The following STAG1 variants were observed in gnomAD, a reference collection of about 807,000 sequenced individuals.
STAG1 encodes cohesin subunit SA-1.
In STAG1, 26 loss-of-function variants were observed where a neutral mutation model predicts 170.9. The observed-to-expected ratio is 0.15, with a 90% CI of 0.11 to 0.21. The LOEUF (loss-of-function observed/expected upper bound fraction) is 0.21, where lower values mean the gene tolerates loss of function less well. Ranked by LOEUF, STAG1 falls within the 10% of genes least tolerant of loss-of-function variation. The pLI is 1.00. For missense variants in STAG1, 964 were observed against 1,509.5 expected (o/e 0.64, Z 5.99); for synonymous variants, 514 against 497.7 (o/e 1.03, Z -0.44).
chr3:136,385,074 T>C (rs2086835332), intron 22 of STAG1, among the ~76,000 whole-genome samples: 1 of 152,216 alleles, frequency 6.6e-6, no homozygotes, highest in Admixed American at 6.5e-5. Flanking sequence ...TGTCCTTATA[T>C]TGATGCTTCC....
intron 29 of STAG1, 57 bp from the exon 30 acceptor site, chr3:136,344,063 A>G: frequency 1.5e-6 from 2 of 1,371,360 alleles, no homozygotes; most frequent in Non-Finnish European, 2.0e-6. Context: ...CTCTGGTAGC[A>G]GTCATAGCAT....
chr3:136,611,140 G>C (rs928918667), intron 3 of STAG1, among the ~76,000 whole-genome samples: 1 of 152,036 alleles, frequency 6.6e-6, no homozygotes, highest in African/African-American at 2.4e-5. Context: ...CAGCCTGAAA[G>C]GAATTTTACA....
chr3:136,615,521 G>C (rs180976187), intron 3 of STAG1, among the ~76,000 whole-genome samples: 1 of 150,514 alleles, frequency 6.6e-6, no homozygotes, highest in African/African-American at 2.4e-5. Flanking sequence ...GCTCACGCCT[G>C]TAATCCCAGC....
chr3:136,746,895 G>A (rs749859679), intron 1 of STAG1, among the ~76,000 whole-genome samples: 68 of 151,964 alleles, frequency 4.5e-4, no homozygotes, highest in Non-Finnish European at 6.8e-4. Flanking sequence ...TCAGGAGTTC[G>A]AGACCAGCCT....
At position 136,451,956 on chromosome 3, in the gene STAG1, A is replaced by G. The variant is rs2088955141; in HGVS notation, c.1428+77T>C. On this transcript the variant is annotated intron_variant, in intron 14 of 33. Transcript: ENST00000383202. ...AAACAGACTTGTTTTTATTTGATTG[A>G]AAAAAATTAAAATGAATTGACATTT... 4 of 977,862 alleles carry G rather than the reference A, an allele frequency of 4.1e-6. No individual in the cohort carries two copies. The East Asian group carries it at 1.1e-4, about 27-fold the overall frequency. 60.6% of individuals were successfully genotyped at this position (977,862 alleles called of 1,614,324 possible).
chr3:136,351,357 T>C (rs1936427852), intron 28 of STAG1, among the ~76,000 whole-genome samples: 1 of 152,210 alleles, frequency 6.6e-6, no homozygotes, highest in Non-Finnish European at 1.5e-5. Context: ...GTTTCTTTTG[T>C]TTATAGGTTT....
At chr3:136,412,455 G>C (rs963136250) in intron 21 of STAG1, among the ~76,000 whole-genome samples, 1 of 152,152 alleles carries the variant, frequency 6.6e-6, no homozygotes, top group Non-Finnish European at 1.5e-5. Context: ...TAAAGAATAC[G>C]TCTACAGCTC....
chr3:136,468,797 T>C (rs1035764405), intron 12 of STAG1, among the ~76,000 whole-genome samples: 7 of 152,208 alleles, frequency 4.6e-5, no homozygotes, highest in Admixed American at 6.5e-5. Context: ...CATGATCAAG[T>C]TGGCTTCATC....
intron 22 of STAG1, among the ~76,000 whole-genome samples, chr3:136,390,471 C>T (rs1178220824): frequency 6.6e-6 from 1 of 152,162 alleles, no homozygotes; most frequent in African/African-American, 2.4e-5. Flanking sequence ...ACCAGCCAAT[C>T]AGGCACTTGT....
At position 136,741,799 on chromosome 3, in the gene STAG1, A is replaced by G. The variant is rs1194029543; in HGVS notation, c.-84+10396T>C. 2.0e-5 allele frequency among the ~76,000 whole-genome samples: 3 copies of G among 152,136 alleles called. No homozygotes were observed. The East Asian group carries it at 5.8e-4, about 29-fold the overall frequency. The stretch of plus-strand genomic sequence containing the variant: ...TTTTTAAAAAGCAATACTCGACTAT[A>G]TACTACCATCAAAAGCAATTTAAAT... On this transcript the variant is annotated intron_variant, in intron 1 of 33. Coordinates refer to ENST00000383202, the MANE Select transcript of STAG1 (RefSeq NM_005862.3).
intron 24 of STAG1, among the ~76,000 whole-genome samples, chr3:136,368,136 C>T (rs557028573): frequency 6.6e-6 from 1 of 152,180 alleles, no homozygotes; most frequent in African/African-American, 2.4e-5. Context: ...AAATTTGTCT[C>T]CTGAGATGAA....
In STAG1 at chr3:136,336,487, C is replaced by T. The variant is rs1010193275; in HGVS notation, c.*1767G>A. ...ATCTGTTTTCCATACAAGACTGTCA[C>T]GCAAAGGATCAATTTGTGCATGTGC... On this transcript the variant is annotated 3_prime_UTR_variant, in exon 34 of 34. Coordinates refer to ENST00000383202, the MANE Select transcript of STAG1 (RefSeq NM_005862.3). The T allele has an allele frequency of 9.9e-5, 15 of 152,198 alleles. No individual in the cohort carries two copies. Among genetic ancestry groups the T allele is most frequent in the African/African-American group, 2.9e-4 (12 of 41,422 alleles). 9.4% of individuals were successfully genotyped at this position (152,198 alleles called of 1,614,324 possible).
At chr3:136,702,936 C>T (rs552853872) in intron 1 of STAG1, among the ~76,000 whole-genome samples, 3 of 151,606 alleles carry the variant, frequency 2.0e-5, no homozygotes, top group East Asian at 3.9e-4. Context: ...GGCATGGTGG[C>T]GCACACCTGT....
At chr3:136,383,299 A>G (rs1576412301) in intron 22 of STAG1, among the ~76,000 whole-genome samples, 1 of 152,212 alleles carries the variant, frequency 6.6e-6, no homozygotes, top group Non-Finnish European at 1.5e-5. Flanking sequence ...AAAAAGAAAT[A>G]TAAAAAGATT....
intron 9 of STAG1, among the ~76,000 whole-genome samples, chr3:136,495,235 T>C (rs966464595): frequency 4.6e-5 from 7 of 152,178 alleles, no homozygotes; most frequent in Middle Eastern, 6.8e-3. Context: ...AACTGAAAAT[T>C]TGTATGCAAA....
chr3:136,338,008 G>T lies in STAG1; in HGVS notation c.*246C>A. On this transcript the variant is annotated 3_prime_UTR_variant, in exon 34 of 34. Transcript: ENST00000383202. ...AGAAAAACACACACATCTGTATTGG[G>T]ATAAGTCCAATAGTAGGACACAAAT... The T allele has an allele frequency of 4.3e-6, 2 of 467,062 alleles. No individual in the cohort carries two copies. Among genetic ancestry groups the T allele is most frequent in the South Asian group, 4.1e-5 (1 of 24,104 alleles). 28.9% of individuals were successfully genotyped at this position (467,062 alleles called of 1,614,324 possible). A position where few individuals can be genotyped will look rare whatever the true frequency, so the allele number is the denominator to read the frequency against.
intron 7 of STAG1, among the ~76,000 whole-genome samples, chr3:136,519,906 T>A (rs1434189094): frequency 2.0e-5 from 3 of 152,010 alleles, no homozygotes; most frequent in Non-Finnish European, 4.4e-5. Context: ...TGAAAAAAGA[T>A]AAAATTGGGT....
chr3:136,671,270 C>T (rs950217779), intron 1 of STAG1, among the ~76,000 whole-genome samples: 3 of 151,686 alleles, frequency 2.0e-5, no homozygotes, highest in Non-Finnish European at 4.4e-5. Flanking sequence ...GGCAACAGAG[C>T]GAGACACCAT....
In STAG1 at chr3:136,676,690, T is replaced by C. The variant is rs533492599; in HGVS notation, c.-83-45709A>G. 2.0e-5 allele frequency among the ~76,000 whole-genome samples: 3 copies of C among 152,274 alleles called. No homozygotes were observed. The East Asian group carries it at 5.8e-4, about 29-fold the overall frequency. On this transcript the variant is annotated intron_variant, in intron 1 of 33. Coordinates refer to ENST00000383202, the MANE Select transcript of STAG1 (RefSeq NM_005862.3). ...GTCTTGAACTTCTGGCCTCAACTGATTTTCCGAACTAAGCCTCCCAAAGGG... is the reference window on the plus strand; with the variant it reads ...GTCTTGAACTTCTGGCCTCAACTGACTTTCCGAACTAAGCCTCCCAAAGGG...
Sources: gnomAD v4.1 joint callset for allele counts (sites outside exome capture counted in the v4.1 genomes callset) on GRCh38, gnomAD v4.1.1 for gene constraint, MANE v1.5 for transcripts, NCBI Gene and HGNC (gene_info 2026-07-23, HGNC 2026-07-21) for gene names.